The following WDR93 variants were observed in gnomAD, a reference collection of about 807,000 sequenced individuals.
The protein encoded by WDR93 is WD repeat-containing protein 93.
WDR93 carries 73 observed loss-of-function variants against 82.9 expected under a neutral mutation model. The ratio of observed to expected loss-of-function variants is 0.88; its 90% CI spans 0.73 to 1.07. The LOEUF (loss-of-function observed/expected upper bound fraction) is 1.07, where lower values mean the gene tolerates loss of function less well. WDR93 is among the 50% of genes least tolerant of loss of function. The pLI is 0.00. For synonymous variants in WDR93, 283 were observed against 300.1 expected (o/e 0.94, Z 0.59); for missense variants, 738 against 826.0 (o/e 0.89, Z 1.31).
intron 16 of WDR93, among the ~76,000 whole-genome samples, chr15:89,739,325 C>G (rs764095019): frequency 6.6e-6 from 1 of 152,160 alleles, no homozygotes; most frequent in Non-Finnish European, 1.5e-5. Context: ...ACAGCATGAC[C>G]TATAAAGTCT....
At chr15:89,737,352 G>A (rs955117273) in intron 14 of WDR93, among the ~76,000 whole-genome samples, 10 of 152,222 alleles carry the variant, frequency 6.6e-5, no homozygotes, top group African/African-American at 2.4e-4. Context: ...CATAGCCCTG[G>A]AGCAGACAGC....
chr15:89,738,286 G>A, intron 16 of WDR93, 50 bp downstream of exon 16: 1 of 1,515,332 alleles, frequency 6.6e-7, no homozygotes, highest in Non-Finnish European at 8.9e-7. Context: ...GTTGTCTCTG[G>A]ATTGAGGGAT....
At chr15:89,720,418 A>G (rs1214524068) in intron 7 of WDR93, among the ~76,000 whole-genome samples, 6 of 151,970 alleles carry the variant, frequency 3.9e-5, no homozygotes, top group Admixed American at 3.9e-4. Context: ...GATTACAGGC[A>G]CATGTCACCA....
At chr15:89,725,582 T>G (rs1966706385) in intron 8 of WDR93, among the ~76,000 whole-genome samples, 2 of 151,622 alleles carry the variant, frequency 1.3e-5, no homozygotes, top group Non-Finnish European at 2.9e-5. Context: ...TTTTTTTTTC[T>G]TTTTGAGACA....
chr15:89,702,157 G>T, intron 2 of WDR93, 108 bp downstream of exon 2: 1 of 1,251,616 alleles, frequency 8.0e-7, no homozygotes, highest in Non-Finnish European at 1.1e-6. Context: ...CATTCAATAA[G>T]TCAGTGCATT....
chr15:89,717,062 T>G, intron 7 of WDR93, 113 bp downstream of exon 7: 1 of 715,320 alleles, frequency 1.4e-6, no homozygotes, highest in Non-Finnish European at 2.0e-6. Flanking sequence ...TTTTTTTTTT[T>G]TTTTTGAGAC....
intron 8 of WDR93, among the ~76,000 whole-genome samples, chr15:89,724,510 G>A (rs1966654588): frequency 6.6e-6 from 1 of 152,062 alleles, no homozygotes; most frequent in South Asian, 2.1e-4. Flanking sequence ...TCATTAAGAG[G>A]ATGAAAGATC....
intron 1 of WDR93, among the ~76,000 whole-genome samples, chr15:89,701,221 A>G (rs758462569): frequency 1.3e-5 from 2 of 152,110 alleles, no homozygotes; most frequent in Non-Finnish European, 2.9e-5. Flanking sequence ...ACTTCTGGGC[A>G]GCAGCAGCGG....
intron 9 of WDR93, among the ~76,000 whole-genome samples, chr15:89,727,802 G>A (rs6496593): frequency 0.43 from 64,957 of 151,682 alleles, 14,445 homozygotes; most frequent in African/African-American, 0.49. Context: ...AAGCACAGAG[G>A]CTGGGCACGG....
chr15:89,701,490 A>T (rs997564522), intron 1 of WDR93, among the ~76,000 whole-genome samples: 2 of 152,208 alleles, frequency 1.3e-5, no homozygotes, highest in Non-Finnish European at 2.9e-5. Flanking sequence ...AGTACACATC[A>T]TCTAGGGTTG....
At chr15:89,723,195 G>A (rs980024313) in intron 8 of WDR93, among the ~76,000 whole-genome samples, 5 of 130,046 alleles carry the variant, frequency 3.8e-5, no homozygotes, top group African/African-American at 1.3e-4. Flanking sequence ...GAGTGAAACC[G>A]CGTCATAAAT....
Position 89,701,695 on chromosome 15 carries a change from TTC to T in WDR93, c.-40-8_-40-7del. 1.3e-6 allele frequency: 2 copies of T among 1,563,008 alleles called. No homozygotes were observed. The highest frequency in any genetic ancestry group is 1.7e-6 in the Non-Finnish European group (2 of 1,154,634). On this transcript the variant is annotated splice_polypyrimidine_tract_variant and intron_variant, in intron 1 of 16. Transcript: ENST00000268130. ...TTTCTTCCAGAATTCCTTTGTTTAC[TTC>T]TCTTATCAGCTTTTCAGTTTCATAG...
At position 89,727,278 on chromosome 15, in the gene WDR93, C is replaced by T. The variant is rs745431939; in HGVS notation, c.1002C>T (p.Asn334=). Residue 334 remains asparagine, a synonymous_variant, in exon 9 of 17, where the codon AAC becomes AAT. Transcript: ENST00000268130. ...SQWEQQAEIF[N]ASYKKYLDRE... is the part of the protein sequence containing the mutation. ...GGGAGCAGCAAGCTGAGATCTTCAA[C>T]GCTTCCTACAAGAAGTACCTAGATA... is the stretch of plus-strand genomic sequence containing the variant. 74 of 1,614,158 alleles carry T rather than the reference C, an allele frequency of 4.6e-5. No homozygotes were observed. The highest frequency in any genetic ancestry group is 5.6e-5 in the Non-Finnish European group (66 of 1,180,030).
rs1019162466 is a variant in WDR93, at chr15:89,690,856, A to G, written c.-42A>G. On this transcript the variant is annotated splice_region_variant and 5_prime_UTR_variant, in exon 1 of 17. Coordinates refer to ENST00000268130, the MANE Select transcript of WDR93 (RefSeq NM_020212.2). ...CAAGGCGACGCAACGCCGCCCGGCC[A>G]GGTGAGCAAAACTGATCTTACCTTT... is the stretch of plus-strand genomic sequence containing the variant. 4 of 545,820 alleles carry G rather than the reference A, an allele frequency of 7.3e-6. No individual in the cohort carries two copies. The highest frequency in any genetic ancestry group is 3.9e-5 in the African/African-American group (2 of 51,494). The allele number at this position is 545,820 out of a possible 1,614,324, so 33.8% of individuals were successfully genotyped here.
intron 9 of WDR93, 93 bp from the exon 10 acceptor site, chr15:89,728,930 C>T (rs766690344): frequency 3.7e-6 from 4 of 1,091,398 alleles, no homozygotes; most frequent in Non-Finnish European, 5.7e-6. Flanking sequence ...TCCATTCTAA[C>T]TATCTATTCT....
intron 3 of WDR93, chr15:89,705,325 G>A: frequency 1.9e-6 from 1 of 537,546 alleles, no homozygotes; most frequent in East Asian, 3.1e-5. Context: ...AGATGCCGGT[G>A]GAGCCAGGGT....
In WDR93 at chr15:89,733,051, A is replaced by G; in HGVS notation, c.1376A>G (p.Gln459Arg). ...VAALPQGCFC[Q>R]SIHFLKYFSV... ...GCTCTTCCTCAGGGATGTTTCTGCCAAAGCATTCACTTCCTAAAATATTTC... is the reference window on the plus strand; with the variant it reads ...GCTCTTCCTCAGGGATGTTTCTGCCGAAGCATTCACTTCCTAAAATATTTC... The change falls in exon 13 of 17, where the codon CAA becomes CGA. Residue 459 changes from glutamine (Q) to arginine (R), a missense_variant. Gln to Arg is a conservative substitution (Grantham distance 43). Coordinates refer to ENST00000268130, the MANE Select transcript of WDR93 (RefSeq NM_020212.2). The G allele has an allele frequency of 6.2e-7, 1 of 1,614,184 alleles. No homozygotes were observed. The highest frequency in any genetic ancestry group is 8.5e-7 in the Non-Finnish European group (1 of 1,180,036).
At chr15:89,702,156 A>C in intron 2 of WDR93, 107 bp downstream of exon 2, 1 of 1,256,728 alleles carries the variant, frequency 8.0e-7, no homozygotes, top group Non-Finnish European at 1.1e-6. Context: ...GCATTCAATA[A>C]GTCAGTGCAT....
upstream of WDR93, chr15:89,690,496 CT>C: frequency 1.2e-5 from 13 of 1,081,902 alleles, no homozygotes; most frequent in Non-Finnish European, 1.2e-5. Context: ...CTATCACCTC[CT>C]TTTTCCCGGG....
Sources: allele counts gnomAD v4.1 joint callset (sites outside exome capture counted in the v4.1 genomes callset), GRCh38; gene constraint gnomAD v4.1.1; transcripts MANE v1.5; gene names NCBI Gene and HGNC (gene_info 2026-07-23, HGNC 2026-07-21).